NTM: variants seen among roughly 807,000 people sequenced by gnomAD.
NTM encodes neurotrimin, also known as IgLON family member 2.
NTM carries 13 observed loss-of-function variants against 42.1 expected under a neutral mutation model. The ratio of observed to expected loss-of-function variants is 0.31; its 90% confidence interval spans 0.20 to 0.49. The LOEUF is 0.49. Ranked by LOEUF, NTM falls within the 20% of genes least tolerant of loss-of-function variation. NTM has a pLI of 0.99. For synonymous variants in NTM, 187 were observed against 179.2 expected (o/e 1.04, Z -0.35); for missense variants, 373 against 452.8 (o/e 0.82, Z 1.60).
chr11:131,917,928 G>T (rs935225236), intron 2 of NTM, among the ~76,000 whole-genome samples: 1 of 152,210 alleles, frequency 6.6e-6, no homozygotes, highest in Non-Finnish European at 1.5e-5. Context: ...GGGCAGAAGG[G>T]GTAGGAGTAT....
intron 3 of NTM, among the ~76,000 whole-genome samples, chr11:132,207,845 G>A (rs2082218484): frequency 6.6e-6 from 1 of 152,146 alleles, no homozygotes; most frequent in Non-Finnish European, 1.5e-5. Context: ...TGTCAAGGTT[G>A]GCTTAGATGT....
intron 2 of NTM, among the ~76,000 whole-genome samples, chr11:131,943,165 T>C (rs2134241035): frequency 6.6e-6 from 1 of 152,202 alleles, no homozygotes; most frequent in South Asian, 2.1e-4. Flanking sequence ...TGGTGTTGAG[T>C]TGCTTATCAG....
chr11:131,499,814 G>T (rs1411447071), intron 1 of NTM, among the ~76,000 whole-genome samples: 2 of 152,172 alleles, frequency 1.3e-5, no homozygotes, highest in South Asian at 2.1e-4. Context: ...GCGTCAATGC[G>T]CTCTGCATTT....
intron 3 of NTM, among the ~76,000 whole-genome samples, chr11:132,147,711 C>G (rs2137361314): frequency 1.3e-5 from 2 of 152,212 alleles, no homozygotes; most frequent in East Asian, 1.9e-4. Context: ...TCCCGAGGCC[C>G]TTTCAACCAG....
chr11:132,168,313 T>G (rs4245103), intron 3 of NTM, among the ~76,000 whole-genome samples: 89,710 of 152,030 alleles, frequency 0.59, 27,045 homozygotes, highest in Non-Finnish European at 0.64. Context: ...GTGAGCCCAG[T>G]TGACCTTGCC....
intron 1 of NTM, among the ~76,000 whole-genome samples, chr11:131,607,717 TATTAA>T (rs1251946243): frequency 2.0e-5 from 3 of 152,156 alleles, no homozygotes; most frequent in African/African-American, 7.2e-5. Flanking sequence ...ATGTAGCATT[TATTAA>T]AAGAGAATGA....
chr11:132,249,259 C>CGT (rs1170974620), intron 4 of NTM, among the ~76,000 whole-genome samples: 2 of 152,008 alleles, frequency 1.3e-5, no homozygotes, highest in Non-Finnish European at 2.9e-5. Flanking sequence ...GAAAATAAAT[C>CGT]GTGTGTGTGT....
At chr11:131,780,158 A>G (rs965713938) in intron 1 of NTM, among the ~76,000 whole-genome samples, 1 of 152,230 alleles carries the variant, frequency 6.6e-6, no homozygotes, top group African/African-American at 2.4e-5. Flanking sequence ...TTTTAGAAAT[A>G]GCAGGAATAA....
chr11:132,302,562 T>TG (rs1223735176), intron 4 of NTM, among the ~76,000 whole-genome samples: 1 of 152,184 alleles, frequency 6.6e-6, no homozygotes, highest in Non-Finnish European at 1.5e-5. Flanking sequence ...CGTGTTGTTC[T>TG]GGGTCTGTCA....
At chr11:132,295,183 T>TA (rs1202366336) in intron 4 of NTM, among the ~76,000 whole-genome samples, 1 of 151,822 alleles carries the variant, frequency 6.6e-6, no homozygotes, top group African/African-American at 2.4e-5. Context: ...AGAAAAACCT[T>TA]AAAAAATATA....
chr11:132,077,801 T>C (rs915120256), intron 2 of NTM, among the ~76,000 whole-genome samples: 1 of 152,178 alleles, frequency 6.6e-6, no homozygotes, highest in Non-Finnish European at 1.5e-5. Flanking sequence ...GGATCTCCCT[T>C]TGTTGCCCAT....
At chr11:131,771,207 C>T (rs990112051) in intron 1 of NTM, 1 of 152,150 alleles carries the variant, frequency 6.6e-6, no homozygotes, top group Non-Finnish European at 1.5e-5. Context: ...CACCATAAAG[C>T]TTTTATCAAT....
At chr11:132,144,983 G>C (rs1451318349) in intron 2 of NTM, among the ~76,000 whole-genome samples, 2 of 152,222 alleles carry the variant, frequency 1.3e-5, no homozygotes, top group Non-Finnish European at 2.9e-5. Flanking sequence ...CATGGGGACA[G>C]GGGGTCTCCT....
At chr11:132,062,730 G>A (rs2080868373) in intron 2 of NTM, among the ~76,000 whole-genome samples, 1 of 152,206 alleles carries the variant, frequency 6.6e-6, no homozygotes, top group Non-Finnish European at 1.5e-5. Context: ...ATAGTTAGAG[G>A]AATGTGTTCG....
At chr11:132,293,451 TTGA>T (rs752579161) in intron 4 of NTM, among the ~76,000 whole-genome samples, 27 of 152,038 alleles carry the variant, frequency 1.8e-4, no homozygotes, top group Non-Finnish European at 3.2e-4. Flanking sequence ...TCAGGGAGCG[TTGA>T]TGATGCAGGA....
intron 2 of NTM, among the ~76,000 whole-genome samples, chr11:131,924,285 T>C (rs1337078820): frequency 6.6e-6 from 1 of 152,184 alleles, no homozygotes; most frequent in Non-Finnish European, 1.5e-5. Flanking sequence ...ACCTGGCTTT[T>C]AGTCCTGGCT....
intron 1 of NTM, among the ~76,000 whole-genome samples, chr11:131,547,593 C>G (rs1381059490): frequency 2.0e-5 from 3 of 152,122 alleles, no homozygotes; most frequent in Admixed American, 6.5e-5. Context: ...AAGTGTGTGT[C>G]TGGTTATGCC....
intron 1 of NTM, among the ~76,000 whole-genome samples, chr11:131,729,381 T>C (rs988031190): frequency 6.6e-6 from 1 of 152,138 alleles, no homozygotes; most frequent in Non-Finnish European, 1.5e-5. Context: ...AAAACAAGAG[T>C]TGTTCTGTGA....
chr11:132,094,246 T>C (rs1381779518), intron 2 of NTM, among the ~76,000 whole-genome samples: 1 of 152,230 alleles, frequency 6.6e-6, no homozygotes, highest in East Asian at 1.9e-4. Flanking sequence ...AACTTGATTA[T>C]TTAACAATGT....
Sources: allele counts gnomAD v4.1 joint callset (sites outside exome capture counted in the v4.1 genomes callset), GRCh38; gene constraint gnomAD v4.1.1; transcripts MANE v1.5; gene names NCBI Gene and HGNC (gene_info 2026-07-23, HGNC 2026-07-21).